Variants in ADAMTS12 observed in about 807,000 individuals in gnomAD.
The protein encoded by ADAMTS12 is A disintegrin and metalloproteinase with thrombospondin motifs 12.
Under a neutral mutation model 167.8 loss-of-function variants are expected in ADAMTS12, and 118 were observed. That is an observed-to-expected ratio of 0.70 (90% CI 0.61 to 0.82). ADAMTS12 has a LOEUF of 0.82. ADAMTS12 is among the 40% of genes least tolerant of loss of function. The pLI is 0.00. For synonymous variants in ADAMTS12, 704 were observed against 716.9 expected, an observed-to-expected ratio of 0.98 and a Z score of 0.29; for missense variants, 1,916 against 1,998.8, an observed-to-expected ratio of 0.96 and a Z score of 0.79.
chr5:33,607,495 C>T (rs1463585978), intron 16 of ADAMTS12, among the ~76,000 whole-genome samples: 1 of 152,100 alleles, frequency 6.6e-6, no homozygotes, highest in Non-Finnish European at 1.5e-5. Context: ...TATTCAGGCT[C>T]TTTTTTGGTT....
chr5:33,600,777 T>C (rs1383968511), intron 16 of ADAMTS12, among the ~76,000 whole-genome samples: 1 of 152,196 alleles, frequency 6.6e-6, no homozygotes, highest in African/African-American at 2.4e-5. Flanking sequence ...AGACATAACA[T>C]TGATTTTAAT....
intron 2 of ADAMTS12, among the ~76,000 whole-genome samples, chr5:33,808,784 G>A (rs1747334694): frequency 6.6e-6 from 1 of 152,168 alleles, no homozygotes; most frequent in Non-Finnish European, 1.5e-5. Context: ...CACAGATGAA[G>A]AAACTGAGGC....
chr5:33,787,233 T>C (rs1056532525), intron 2 of ADAMTS12, among the ~76,000 whole-genome samples: 11 of 151,998 alleles, frequency 7.2e-5, no homozygotes, highest in Non-Finnish European at 7.4e-5. Flanking sequence ...GATTGTCAGG[T>C]TTACCCCTGA....
In ADAMTS12 at chr5:33,664,183, T is replaced by A. The variant is rs115735608; in HGVS notation, c.916-2143A>T. ...TTCTAAAATTTATATCAAATTTATT[T>A]AAAAAGTTCCAGGCCTCAGGTTAGC... On this transcript the variant is annotated intron_variant, in intron 5 of 23. Transcript: ENST00000504830. 6.5e-3 allele frequency among the ~76,000 whole-genome samples: 995 copies of A among 152,274 alleles called. 8 individuals are homozygous for A. The highest frequency in any genetic ancestry group is 0.023 in the African/African-American group (962 of 41,558).
chr5:33,888,413 T>C lies in ADAMTS12; in HGVS notation c.127+3317A>G, dbSNP rs142847948. On this transcript the variant is annotated intron_variant, in intron 1 of 23. Transcript: ENST00000504830. The stretch of plus-strand genomic sequence containing the variant: ...TGCCACAGAAGGTTGGATTTGCTCA[T>C]AAACTTTATGATAACTAATGTGCTA... Among the ~76,000 whole-genome samples the C allele has an allele frequency of 1.8e-4, 27 of 152,360 alleles. No homozygotes were observed. In the East Asian group the frequency reaches 5.2e-3, roughly 29 times the overall value.
intron 5 of ADAMTS12, among the ~76,000 whole-genome samples, chr5:33,676,516 C>A (rs937809520): frequency 2.0e-5 from 3 of 148,318 alleles, no homozygotes; most frequent in African/African-American, 7.7e-5. Context: ...CGTAGTGAGA[C>A]CCCATCTTTA....
chr5:33,527,460 C>G, intron 23 of ADAMTS12, 94 bp from the exon 24 acceptor site: 9 of 1,255,156 alleles, frequency 7.2e-6, no homozygotes, highest in Non-Finnish European at 8.8e-6. Context: ...CTTTATATGT[C>G]TACCAAGAAA....
At chr5:33,813,504 G>A (rs1044070326) in intron 2 of ADAMTS12, among the ~76,000 whole-genome samples, 2 of 152,088 alleles carry the variant, frequency 1.3e-5, no homozygotes, top group Admixed American at 6.5e-5. Flanking sequence ...TCTCCACCCC[G>A]CTGAATCTGG....
intron 3 of ADAMTS12, among the ~76,000 whole-genome samples, chr5:33,732,407 G>A (rs1465845576): frequency 6.6e-6 from 1 of 152,106 alleles, no homozygotes; most frequent in Non-Finnish European, 1.5e-5. Context: ...CCACAAATAT[G>A]ACAAAGATGT....
intron 2 of ADAMTS12, among the ~76,000 whole-genome samples, chr5:33,803,783 T>C (rs753764154): frequency 2.0e-5 from 3 of 152,112 alleles, no homozygotes; most frequent in Middle Eastern, 3.2e-3. Context: ...GAACTGCCCT[T>C]TTATAAAACC....
rs755616434 is a variant in ADAMTS12 at position 33,624,313 on chromosome 5, G to A, written c.2061C>T (p.Thr687=). The A allele has an allele frequency of 2.0e-5, 32 of 1,613,866 alleles. No individual in the cohort carries two copies. Among genetic ancestry groups the A allele is most frequent in the Admixed American group, 3.3e-5 (2 of 59,996 alleles). The change falls in exon 14 of 24, where the codon ACC becomes ACT. Residue 687 remains threonine (T), a synonymous_variant. Coordinates refer to ENST00000504830, the MANE Select transcript of ADAMTS12 (RefSeq NM_030955.4). The part of the protein sequence containing the change: ...GCDYEIDSNA[T]EDRCGVCLGD... The stretch of plus-strand genomic sequence containing the variant: ...CCAGGCACACACCGCAGCGATCCTC[G>A]GTGGCATTGGAATCGATCTCATAGT...
intron 2 of ADAMTS12, among the ~76,000 whole-genome samples, chr5:33,873,166 T>TAAAAAAAAAAAAAAAAAA (rs77165421): frequency 8.3e-6 from 1 of 120,842 alleles, no homozygotes; most frequent in Non-Finnish European, 1.8e-5. Context: ...TATGTAGATT[T>TAAAAAAAAAAAAAAAAAA]AAAAAAAAAA....
chr5:33,657,213 G>C (rs185737018), intron 7 of ADAMTS12, among the ~76,000 whole-genome samples: 3 of 152,300 alleles, frequency 2.0e-5, no homozygotes, highest in Admixed American at 2.0e-4. Flanking sequence ...GAAAAATGGT[G>C]AGCAAGCTGA....
chr5:33,773,343 C>T, intron 2 of ADAMTS12, among the ~76,000 whole-genome samples: 1 of 152,098 alleles, frequency 6.6e-6, no homozygotes, highest in East Asian at 1.9e-4. Flanking sequence ...AACCACATTC[C>T]CTTCTGTTTT....
intron 12 of ADAMTS12, among the ~76,000 whole-genome samples, chr5:33,635,575 T>C (rs967421934): frequency 4.6e-5 from 7 of 152,140 alleles, no homozygotes; most frequent in African/African-American, 1.7e-4. Context: ...AAAAAGCATA[T>C]AAAGTGCTGT....
chr5:33,839,933 A>G (rs1284909967), intron 2 of ADAMTS12, among the ~76,000 whole-genome samples: 1 of 152,232 alleles, frequency 6.6e-6, no homozygotes, highest in Non-Finnish European at 1.5e-5. Flanking sequence ...AGCTAGGAAG[A>G]AAAAGACACT....
At chr5:33,529,644 CA>C (rs544241765) in intron 23 of ADAMTS12, among the ~76,000 whole-genome samples, 310 of 152,196 alleles carry the variant, frequency 2.0e-3, no homozygotes, top group Non-Finnish European at 3.5e-3. Flanking sequence ...ATCATAAAGG[CA>C]AAAAATTCTT....
intron 2 of ADAMTS12, among the ~76,000 whole-genome samples, chr5:33,843,339 C>G (rs1290934295): frequency 6.6e-6 from 1 of 152,060 alleles, no homozygotes; most frequent in African/African-American, 2.4e-5. Context: ...AGGTGGACAG[C>G]CCCAGAGGGA....
chr5:33,753,292 A>AT (rs1451844235), intron 2 of ADAMTS12, among the ~76,000 whole-genome samples: 1 of 152,126 alleles, frequency 6.6e-6, no homozygotes, highest in African/African-American at 2.4e-5. Flanking sequence ...AAAACATGAC[A>AT]TTTTTTTCAG....
Sources: allele counts gnomAD v4.1 joint callset (sites outside exome capture counted in the v4.1 genomes callset), GRCh38; gene constraint gnomAD v4.1.1; transcripts MANE v1.5; gene names NCBI Gene and HGNC (gene_info 2026-07-23, HGNC 2026-07-21).